The following SLC35F3 variants were observed in gnomAD, a reference collection of about 807,000 sequenced individuals.
SLC35F3 encodes the protein solute carrier family 35 member F3.
In SLC35F3, 25 loss-of-function variants were observed where a neutral mutation model predicts 49.9. The observed-to-expected ratio is 0.50, with a 90% confidence interval of 0.37 to 0.70. SLC35F3 has a LOEUF of 0.70. Among genes scored for constraint, SLC35F3 ranks in the 30% least tolerant of loss-of-function variants. The probability of loss-of-function intolerance (pLI) is 0.00; values close to 1 mark genes in which losing one functional copy is unlikely to be tolerated. For synonymous variants in SLC35F3, 275 were observed against 265.4 expected, an observed-to-expected ratio of 1.04 and a Z score of -0.35; for missense variants, 525 against 639.8, an observed-to-expected ratio of 0.82 and a Z score of 1.94.
chr1:234,007,363 G>T (rs1234178880), intron 2 of SLC35F3, among the ~76,000 whole-genome samples: 1 of 152,100 alleles, frequency 6.6e-6, no homozygotes, highest in Non-Finnish European at 1.5e-5. Flanking sequence ...CTCTCTGAGG[G>T]GAGCAAGTGC....
At chr1:233,929,591 T>G (rs1050393317) in intron 2 of SLC35F3, among the ~76,000 whole-genome samples, 1 of 152,196 alleles carries the variant, frequency 6.6e-6, no homozygotes, top group Non-Finnish European at 1.5e-5. Context: ...CTAAATCTCT[T>G]TGGATTAATT....
chr1:234,305,221 G>A (rs1311341345), intron 3 of SLC35F3, among the ~76,000 whole-genome samples: 1 of 152,110 alleles, frequency 6.6e-6, no homozygotes, highest in Non-Finnish European at 1.5e-5. Flanking sequence ...AGTCAAGACA[G>A]GCTATCCCAG....
chr1:233,981,729 T>A lies in SLC35F3; in HGVS notation c.283+75971T>A, dbSNP rs60811957. Among the ~76,000 whole-genome samples, 1,079 of 152,300 alleles carry A rather than the reference T, an allele frequency of 7.1e-3. 15 individuals are homozygous for A. The highest frequency in any genetic ancestry group is 0.025 in the African/African-American group (1,032 of 41,570). ...CGTAGTAAGTGTATGTTTAATTTTT[T>A]AAGAAACTGCCAAAGTGTTTTTCAA... On this transcript the variant is annotated intron_variant, in intron 2 of 7. Transcript: ENST00000366618.
intron 2 of SLC35F3, among the ~76,000 whole-genome samples, chr1:234,085,381 G>C (rs1163823322): frequency 5.9e-5 from 9 of 152,062 alleles, no homozygotes; most frequent in Admixed American, 1.3e-4. Flanking sequence ...GATCAACTTG[G>C]GCCTTCAAAA....
At chr1:234,173,224 A>T (rs1666427393) in intron 2 of SLC35F3, among the ~76,000 whole-genome samples, 1 of 152,206 alleles carries the variant, frequency 6.6e-6, no homozygotes, top group African/African-American at 2.4e-5. Flanking sequence ...CTCATAAATG[A>T]TCATGATGAA....
chr1:234,299,804 C>CAAAAAAAAA (rs36039526), intron 3 of SLC35F3, among the ~76,000 whole-genome samples: 2 of 84,678 alleles, frequency 2.4e-5, no homozygotes, highest in African/African-American at 4.5e-5. Context: ...GACTCCATCT[C>CAAAAAAAAA]AAAAAAAAAA....
At chr1:234,066,679 G>A (rs1664622142) in intron 2 of SLC35F3, among the ~76,000 whole-genome samples, 1 of 151,684 alleles carries the variant, frequency 6.6e-6, no homozygotes, top group African/African-American at 2.4e-5. Flanking sequence ...GTTGGACGAG[G>A]GCAAAGAATA....
intron 2 of SLC35F3, among the ~76,000 whole-genome samples, chr1:234,015,385 A>G (rs555186425): frequency 7.3e-4 from 111 of 151,974 alleles, no homozygotes; most frequent in African/African-American, 2.5e-3. Context: ...AACTGGAAGC[A>G]TCACACTACT....
chr1:234,290,977 C>T (rs1460268124), intron 3 of SLC35F3, among the ~76,000 whole-genome samples: 1 of 152,066 alleles, frequency 6.6e-6, no homozygotes, highest in East Asian at 1.9e-4. Flanking sequence ...AAGGAGAGGC[C>T]ACCAATAGAT....
intron 2 of SLC35F3, among the ~76,000 whole-genome samples, chr1:233,978,984 C>T (rs1026940545): frequency 4.7e-5 from 7 of 150,466 alleles, no homozygotes; most frequent in South Asian, 4.2e-4. Flanking sequence ...TGCAGTGAGC[C>T]GAGATTCAGC....
intron 2 of SLC35F3, among the ~76,000 whole-genome samples, chr1:234,218,347 T>C (rs767202245): frequency 2.6e-5 from 4 of 152,200 alleles, no homozygotes; most frequent in African/African-American, 4.8e-5. Flanking sequence ...TGGAATTAGA[T>C]GGACTGGGTC....
intron 2 of SLC35F3, among the ~76,000 whole-genome samples, chr1:234,207,399 C>T: frequency 7.3e-5 from 1 of 13,774 alleles, no homozygotes; most frequent in Non-Finnish European, 1.8e-4. Context: ...TCCTTCCTTC[C>T]TCCCTCCCTC....
intron 2 of SLC35F3, among the ~76,000 whole-genome samples, chr1:234,160,756 C>T (rs1001811118): frequency 6.6e-6 from 1 of 152,206 alleles, no homozygotes; most frequent in African/African-American, 2.4e-5. Context: ...GTCCCATCTT[C>T]ATGAGACCCT....
At chr1:233,955,133 C>T (rs1018126236) in intron 2 of SLC35F3, among the ~76,000 whole-genome samples, 5 of 152,206 alleles carry the variant, frequency 3.3e-5, no homozygotes, top group East Asian at 1.9e-4. Context: ...CACGAGCCAC[C>T]GCACCAGGCC....
chr1:234,239,105 G>A (rs996316502), intron 3 of SLC35F3, among the ~76,000 whole-genome samples: 7 of 152,180 alleles, frequency 4.6e-5, no homozygotes, highest in African/African-American at 1.4e-4. Flanking sequence ...TTATCAACAA[G>A]GGATTTGGTA....
At chr1:233,991,628 A>C (rs1442856052) in intron 2 of SLC35F3, among the ~76,000 whole-genome samples, 2 of 152,116 alleles carry the variant, frequency 1.3e-5, no homozygotes, top group East Asian at 3.9e-4. Flanking sequence ...AGGAAAACTT[A>C]CCCTAATTTG....
intron 2 of SLC35F3, among the ~76,000 whole-genome samples, chr1:234,017,957 T>TG (rs998733454): frequency 2.6e-5 from 4 of 151,508 alleles, no homozygotes; most frequent in African/African-American, 9.7e-5. Context: ...CCACTCAATT[T>TG]GGGGGGTGTT....
chr1:234,258,968 G>A (rs1305097018), intron 3 of SLC35F3, among the ~76,000 whole-genome samples: 6 of 152,230 alleles, frequency 3.9e-5, no homozygotes, highest in Non-Finnish European at 8.8e-5. Context: ...CTCTTAGAAA[G>A]GTGTTGATAA....
intron 2 of SLC35F3, among the ~76,000 whole-genome samples, chr1:234,106,047 A>G (rs1304042441): frequency 5.3e-5 from 8 of 152,220 alleles, no homozygotes; most frequent in Non-Finnish European, 1.5e-5. Context: ...GTGTGAGACA[A>G]GCCTTTGTTC....
Sources: gnomAD v4.1 joint callset for allele counts (sites outside exome capture counted in the v4.1 genomes callset) on GRCh38, gnomAD v4.1.1 for gene constraint, MANE v1.5 for transcripts, NCBI Gene and HGNC (gene_info 2026-07-23, HGNC 2026-07-21) for gene names.